The following DNAH7 variants were observed in gnomAD, a reference collection of about 807,000 sequenced individuals.
DNAH7 encodes the protein axonemal beta dynein heavy chain 7.
In DNAH7, 397 loss-of-function variants were observed where a neutral mutation model predicts 444.6. That is an observed-to-expected ratio of 0.89 (90% CI 0.82 to 0.97). The LOEUF is 0.97. Ranked by LOEUF, DNAH7 falls within the 50% of genes least tolerant of loss-of-function variation. The pLI, the probability that DNAH7 is intolerant of heterozygous loss-of-function variation, is 0.00. For synonymous variants in DNAH7, 1,636 were observed against 1,624.4 expected (o/e 1.01, Z -0.17); for missense variants, 4,902 against 4,800.8 (o/e 1.02, Z -0.62).
intron 63 of DNAH7, among the ~76,000 whole-genome samples, chr2:195,745,286 G>A (rs994261126): frequency 2.3e-4 from 35 of 152,132 alleles, no homozygotes; most frequent in East Asian, 3.8e-4. Context: ...GAAATGAAGC[G>A]AGAAGGGAAG....
chr2:196,047,366 A>T lies in DNAH7; in HGVS notation c.384T>A (p.Leu128=), dbSNP rs773510488. Residue 128 remains leucine, a synonymous_variant, in exon 5 of 65, where the codon CTT becomes CTA. Transcript: ENST00000312428. ...HKERENFRST[L]VNVIMQQDAD... is the part of the protein sequence containing the mutation. Reference sequence around the variant, plus strand: ...ATACAACTTACATAATGACATTAACAAGAGTACTTCTAAAGTTTTCTCGTT... The same window carrying T: ...ATACAACTTACATAATGACATTAACTAGAGTACTTCTAAAGTTTTCTCGTT... The T allele has an allele frequency of 1.9e-6, 3 of 1,595,670 alleles. No homozygotes were observed. The highest frequency in any genetic ancestry group is 2.6e-6 in the Non-Finnish European group (3 of 1,170,210).
chr2:195,941,388 G>A (rs1451503710), intron 19 of DNAH7, among the ~76,000 whole-genome samples: 1 of 150,696 alleles, frequency 6.6e-6, no homozygotes, highest in Admixed American at 6.6e-5. Flanking sequence ...GGGGGCAAGA[G>A]GAGGGAGAGC....
At chr2:195,983,804 C>T (rs1033190628) in intron 15 of DNAH7, among the ~76,000 whole-genome samples, 1 of 152,098 alleles carries the variant, frequency 6.6e-6, no homozygotes, top group African/African-American at 2.4e-5. Context: ...AAACAAAATA[C>T]AGCTTTTATA....
chr2:195,910,853 T>C (rs887622660), intron 24 of DNAH7, among the ~76,000 whole-genome samples: 1 of 152,112 alleles, frequency 6.6e-6, no homozygotes, highest in South Asian at 2.1e-4. Context: ...AAGCCTATCC[T>C]TCATGCGGGG....
chr2:195,828,657 C>T (rs1157526974), intron 48 of DNAH7, among the ~76,000 whole-genome samples: 2 of 149,262 alleles, frequency 1.3e-5, no homozygotes, highest in East Asian at 1.9e-4. Flanking sequence ...ACATCCTTTC[C>T]CATCAAAGGA....
At chr2:195,985,261 A>G (rs537803658) in intron 14 of DNAH7, among the ~76,000 whole-genome samples, 1 of 152,358 alleles carries the variant, frequency 6.6e-6, no homozygotes, top group South Asian at 2.1e-4. Flanking sequence ...CGAATAGAAC[A>G]ATTCTTCAGT....
At chr2:195,942,444 G>A (rs1689520925) in intron 19 of DNAH7, among the ~76,000 whole-genome samples, 1 of 151,052 alleles carries the variant, frequency 6.6e-6, no homozygotes, top group African/African-American at 2.4e-5. Context: ...ATGAAGAGGA[G>A]GAAGAGGAAA....
intron 57 of DNAH7, among the ~76,000 whole-genome samples, chr2:195,787,930 A>C (rs748430971): frequency 3.9e-5 from 6 of 152,160 alleles, no homozygotes; most frequent in Non-Finnish European, 8.8e-5. Flanking sequence ...CTGGTTAAGA[A>C]GACTTCTGCC....
chr2:195,871,794 A>G lies in DNAH7; in HGVS notation c.6633+456T>C, dbSNP rs1328261498. Among the ~76,000 whole-genome samples the G allele has an allele frequency of 1.9e-4, 17 of 87,180 alleles. 6 individuals carry two copies. In the African/African-American group the frequency reaches 2.0e-3, roughly 10 times the overall value. 57.2% of individuals were successfully genotyped at this position (87,180 alleles called of 152,430 possible). On this transcript the variant is annotated intron_variant, in intron 40 of 64. Coordinates refer to ENST00000312428, the MANE Select transcript of DNAH7 (RefSeq NM_018897.3). ...AAAATACAAAAAATTAGCCGGGCGT[A>G]GTGGCGGGCGCCTGTAGTCCCAGCT... is the stretch of plus-strand genomic sequence containing the variant.
intron 59 of DNAH7, among the ~76,000 whole-genome samples, 183 bp downstream of exon 59, chr2:195,777,617 A>G (rs1695120281): frequency 6.6e-6 from 1 of 152,212 alleles, no homozygotes; most frequent in East Asian, 1.9e-4. Context: ...ATTACAGTGA[A>G]CAGGAAACCC....
In DNAH7 at chr2:195,737,821, T is replaced by TGTATTTAAAC. The variant is rs1692724179; in HGVS notation, c.*90_*99dup. 6.8e-6 allele frequency: 7 copies of TGTATTTAAAC among 1,028,170 alleles called. No homozygotes were observed. The South Asian group carries it at 1.2e-4, about 17-fold the overall frequency. 63.7% of individuals were successfully genotyped at this position (1,028,170 alleles called of 1,614,324 possible). ...ATTCATAATTATAACTTTAGTCAAA[T>TGTATTTAAAC]GTATTTAAACAAACAAAAAAAAAGG... On this transcript the variant is annotated 3_prime_UTR_variant, in exon 65 of 65. Transcript: ENST00000312428.
intron 22 of DNAH7, among the ~76,000 whole-genome samples, chr2:195,924,204 T>C (rs1688195782): frequency 6.6e-6 from 1 of 152,196 alleles, no homozygotes; most frequent in African/African-American, 2.4e-5. Flanking sequence ...TCACTAGGCT[T>C]GGTAGGCTGT....
intron 27 of DNAH7, chr2:195,905,837 T>C (rs936497489): frequency 2.0e-5 from 3 of 152,088 alleles, no homozygotes; most frequent in Non-Finnish European, 4.4e-5. Context: ...TGATATGGGA[T>C]GAAAATCATT....
Position 196,026,517 on chromosome 2 carries a change from T to C in DNAH7, c.667+243A>G, listed in dbSNP as rs115002951. Among the ~76,000 whole-genome samples, 661 of 152,318 alleles carry C rather than the reference T, an allele frequency of 4.3e-3. 3 individuals carry two copies. The highest frequency in any genetic ancestry group is 0.015 in the African/African-American group (603 of 41,572). Reference sequence around the variant, plus strand: ...TCTTGAGGGATTGAAATTAATGCTTTATAATTTTCTTCAGTGCTATCCTTT... The same window carrying C: ...TCTTGAGGGATTGAAATTAATGCTTCATAATTTTCTTCAGTGCTATCCTTT... On this transcript the variant is annotated intron_variant, in intron 7 of 64. Transcript: ENST00000312428.
intron 2 of DNAH7, among the ~76,000 whole-genome samples, chr2:196,054,267 T>C (rs1241277780): frequency 2.6e-5 from 4 of 152,216 alleles, no homozygotes; most frequent in African/African-American, 9.6e-5. Context: ...ATGCCTGTAA[T>C]CCTAGCACTT....
chr2:195,745,240 G>A lies in DNAH7; in HGVS notation c.11765-4371C>T, dbSNP rs545502556. On this transcript the variant is annotated intron_variant, in intron 63 of 64. Coordinates refer to ENST00000312428, the MANE Select transcript of DNAH7 (RefSeq NM_018897.3). ...CCTCAGGAGCCGATGCGATCAACTG[G>A]AAGAAAGGGTATCAGTGATGGAAGA... Among the ~76,000 whole-genome samples the A allele has an allele frequency of 4.3e-3, 659 of 152,326 alleles. 4 individuals carry two copies. The highest frequency in any genetic ancestry group is 0.014 in the African/African-American group (600 of 41,574).
intron 49 of DNAH7, among the ~76,000 whole-genome samples, chr2:195,822,037 C>T (rs1303995357): frequency 6.6e-6 from 1 of 152,108 alleles, no homozygotes; most frequent in Admixed American, 6.5e-5. Flanking sequence ...CATGGCAGAC[C>T]ATGGAGGCCA....
rs546517868 is a variant in DNAH7 at position 195,839,534 on chromosome 2, T to C, written c.8946-5174A>G. On this transcript the variant is annotated intron_variant, in intron 47 of 64. Coordinates refer to ENST00000312428, the MANE Select transcript of DNAH7 (RefSeq NM_018897.3). ...AATATTAGGGAAGAAATCAGTATTA[T>C]TGAAAACAAAAAAAGAATGGAGAAA... Among the ~76,000 whole-genome samples, 545 of 151,682 alleles carry C rather than the reference T, an allele frequency of 3.6e-3. 4 individuals are homozygous for C. Among genetic ancestry groups the C allele is most frequent in the African/African-American group, 0.012 (511 of 41,494 alleles).
At chr2:195,749,411 G>A (rs1693640115) in intron 63 of DNAH7, among the ~76,000 whole-genome samples, 1 of 151,784 alleles carries the variant, frequency 6.6e-6, no homozygotes, top group African/African-American at 2.4e-5. Flanking sequence ...AACCATTGTG[G>A]AAGTCAGTGT....
Sources: allele counts gnomAD v4.1 joint callset (sites outside exome capture counted in the v4.1 genomes callset), GRCh38; gene constraint gnomAD v4.1.1; transcripts MANE v1.5; gene names NCBI Gene and HGNC (gene_info 2026-07-23, HGNC 2026-07-21).